HACE1: variants seen among roughly 807,000 people sequenced by gnomAD.
HACE1 encodes HECT domain and ankyrin repeat containing E3 ubiquitin protein ligase 1, also known as E3 ubiquitin-protein ligase HACE1.
HACE1 carries 73 observed loss-of-function variants against 118.4 expected under a neutral mutation model. The ratio of observed to expected loss-of-function variants is 0.62; its 90% CI spans 0.51 to 0.75. HACE1 has a LOEUF of 0.75. HACE1 is among the 30% of genes least tolerant of loss of function. The probability of loss-of-function intolerance (pLI) is 0.00; values close to 1 mark genes in which losing one functional copy is unlikely to be tolerated. For missense variants in HACE1, 749 were observed against 1,102.2 expected (o/e 0.68, Z 4.54); for synonymous variants, 368 against 374.8 (o/e 0.98, Z 0.21).
Position 104,771,971 on chromosome 6 carries a change from C to T in HACE1, c.1968G>A (p.Gln656=), listed in dbSNP as rs751656938. Residue 656 remains glutamine (Q), a synonymous_variant, in exon 18 of 24, where the codon CAG becomes CAA. Transcript: ENST00000262903. ...QILGLALNHR[Q]LVNIYFTRSF... ...ATCGTGTGAAGTAAATATTGACCAG[C>T]TGCCTGTGGTTCAACGCTAATCCCA... is the stretch of plus-strand genomic sequence containing the variant. 3.2e-5 allele frequency: 51 copies of T among 1,608,576 alleles called. 1 individual carries two copies. Among genetic ancestry groups the T allele is most frequent in the Non-Finnish European group, 4.3e-5 (50 of 1,175,266 alleles).
intron 7 of HACE1, among the ~76,000 whole-genome samples, chr6:104,798,928 C>G (rs1002164149): frequency 2.0e-5 from 3 of 152,156 alleles, no homozygotes; most frequent in African/African-American, 7.2e-5. Flanking sequence ...AAATTGTAAA[C>G]TTCCTGACAG....
At chr6:104,793,188 AC>A (rs1783239106) in intron 10 of HACE1, among the ~76,000 whole-genome samples, 1 of 147,242 alleles carries the variant, frequency 6.8e-6, no homozygotes, top group Non-Finnish European at 1.5e-5. Context: ...GATGGCATGA[AC>A]CCGGGAGGTG....
intron 14 of HACE1, among the ~76,000 whole-genome samples, chr6:104,778,508 G>T (rs1180814857): frequency 6.6e-6 from 1 of 151,992 alleles, no homozygotes; most frequent in East Asian, 1.9e-4. Flanking sequence ...AAAAGTAAGA[G>T]AAGAGGCTGG....
chr6:104,811,659 A>C (rs2114973849), intron 6 of HACE1, among the ~76,000 whole-genome samples: 1 of 152,294 alleles, frequency 6.6e-6, no homozygotes, highest in African/African-American at 2.4e-5. Context: ...GCACTGTATC[A>C]AAAGTAGTCA....
intron 19 of HACE1, among the ~76,000 whole-genome samples, chr6:104,758,682 C>T (rs1282461945): frequency 6.6e-6 from 1 of 152,142 alleles, no homozygotes; most frequent in East Asian, 1.9e-4. Context: ...ATGACAGCAT[C>T]AAATTCACAC....
chr6:104,823,528 T>G (rs1773004260), intron 6 of HACE1, among the ~76,000 whole-genome samples: 1 of 151,768 alleles, frequency 6.6e-6, no homozygotes, highest in Non-Finnish European at 1.5e-5. Flanking sequence ...AACAGCCCGA[T>G]GAAGATCCTC....
chr6:104,815,470 T>C (rs1772014381), intron 6 of HACE1, among the ~76,000 whole-genome samples: 1 of 136,118 alleles, frequency 7.3e-6, no homozygotes, highest in Non-Finnish European at 1.6e-5. Context: ...CAGGTTCCAG[T>C]GATTCTCCCG....
At chr6:104,758,422 A>G (rs962870905) in intron 19 of HACE1, among the ~76,000 whole-genome samples, 3 of 152,240 alleles carry the variant, frequency 2.0e-5, no homozygotes, top group Admixed American at 1.3e-4. Flanking sequence ...AGAATTTTCA[A>G]CCCAGAATTT....
chr6:104,848,987 G>C (rs1775920133), intron 4 of HACE1, among the ~76,000 whole-genome samples, 155 bp downstream of exon 4: 2 of 151,930 alleles, frequency 1.3e-5, no homozygotes. Flanking sequence ...ATATCTTTGA[G>C]AGACAAAAAA....
At chr6:104,814,796 G>A (rs1771950572) in intron 6 of HACE1, among the ~76,000 whole-genome samples, 1 of 137,216 alleles carries the variant, frequency 7.3e-6, no homozygotes, top group South Asian at 2.2e-4. Context: ...CCCCCCTCAC[G>A]CTCTTTCTCC....
intron 8 of HACE1, 23 bp from the exon 9 acceptor site, chr6:104,796,779 T>C (rs201842752): frequency 1.4e-6 from 2 of 1,393,898 alleles, no homozygotes; most frequent in East Asian, 2.3e-5. Context: ...TCTAAAATTA[T>C]CCAGGTTTAA....
intron 2 of HACE1, among the ~76,000 whole-genome samples, chr6:104,851,484 C>T (rs1030372905): frequency 1.1e-4 from 16 of 152,350 alleles, no homozygotes; most frequent in Middle Eastern, 6.8e-3. Flanking sequence ...AAAAACCAAA[C>T]GCCTTGACCA....
chr6:104,822,830 C>G (rs1772920162), intron 6 of HACE1, among the ~76,000 whole-genome samples: 1 of 151,970 alleles, frequency 6.6e-6, no homozygotes, highest in South Asian at 2.1e-4. Flanking sequence ...GCACTCCAGC[C>G]TGTACCGTGT....
intron 22 of HACE1, among the ~76,000 whole-genome samples, chr6:104,734,048 A>T (rs1300733594): frequency 2.1e-5 from 3 of 144,198 alleles, no homozygotes; most frequent in African/African-American, 7.8e-5. Context: ...GCGACTCGGG[A>T]GGGCTTAGGC....
At chr6:104,759,288 T>C (rs1422238710) in intron 19 of HACE1, among the ~76,000 whole-genome samples, 1 of 151,940 alleles carries the variant, frequency 6.6e-6, no homozygotes. Context: ...AAACTGACCA[T>C]ATAATTGGAA....
rs1264959663 is a variant in HACE1, at chr6:104,813,976, C to A, written c.535-2583G>T. On this transcript the variant is annotated intron_variant, in intron 6 of 23. Coordinates refer to ENST00000262903, the MANE Select transcript of HACE1 (RefSeq NM_020771.4). ...TTTAGGAAATGAGAAATCAAAAATA[C>A]AATGCAATAAATAAAAATTCAACAG... Among the ~76,000 whole-genome samples, 5 of 136,622 alleles carry A rather than the reference C, an allele frequency of 3.7e-5. 1 individual carries two copies. Among genetic ancestry groups the A allele is most frequent in the African/African-American group, 5.9e-5 (2 of 34,140 alleles). The allele number at this position is 136,622 out of a possible 152,430, so 89.6% of individuals were successfully genotyped here.
chr6:104,849,589 T>A (rs965530459), intron 3 of HACE1, among the ~76,000 whole-genome samples: 1 of 148,372 alleles, frequency 6.7e-6, no homozygotes, highest in Non-Finnish European at 1.5e-5. Flanking sequence ...GCAATCCTCC[T>A]ACCTCAGCCT....
chr6:104,792,991 G>A (rs879317773), intron 10 of HACE1, among the ~76,000 whole-genome samples: 12 of 152,090 alleles, frequency 7.9e-5, no homozygotes, highest in South Asian at 4.2e-4. Context: ...TGCTTTTGCC[G>A]GGCGTGGTGG....
At chr6:104,855,049 G>A (rs1481765556) in intron 1 of HACE1, among the ~76,000 whole-genome samples, 1 of 152,070 alleles carries the variant, frequency 6.6e-6, no homozygotes, top group Non-Finnish European at 1.5e-5. Context: ...CTATGAAGTA[G>A]GTACTATTAT....
Sources: gnomAD v4.1 joint callset for allele counts (sites outside exome capture counted in the v4.1 genomes callset) on GRCh38, gnomAD v4.1.1 for gene constraint, MANE v1.5 for transcripts, NCBI Gene and HGNC (gene_info 2026-07-23, HGNC 2026-07-21) for gene names.